The following GPC5 variants were observed in gnomAD, a reference collection of about 807,000 sequenced individuals.
The protein encoded by GPC5 is glypican-5.
Under a neutral mutation model 53.9 loss-of-function variants are expected in GPC5, and 47 were observed. The observed-to-expected ratio is 0.87, with a 90% CI of 0.69 to 1.11. The LOEUF is 1.11. Ranked by LOEUF, GPC5 falls within the 50% of genes most tolerant of loss-of-function variation. GPC5 has a pLI of 0.00. For synonymous variants in GPC5, 286 were observed against 263.3 expected (o/e 1.09, Z -0.84); for missense variants, 748 against 713.1 (o/e 1.05, Z -0.56).
chr13:91,999,842 A>G (rs960898465), intron 6 of GPC5, among the ~76,000 whole-genome samples: 1 of 152,254 alleles, frequency 6.6e-6, no homozygotes, highest in African/African-American at 2.4e-5. Flanking sequence ...CACTGGACAC[A>G]TAATTTTTCT....
At chr13:92,443,552 C>A (rs1877666225) in intron 7 of GPC5, among the ~76,000 whole-genome samples, 1 of 151,250 alleles carries the variant, frequency 6.6e-6, no homozygotes, top group Admixed American at 6.6e-5. Flanking sequence ...ACAAAAAAAA[C>A]AATTTTTGAG....
At chr13:91,778,991 A>G (rs2037754840) in intron 5 of GPC5, among the ~76,000 whole-genome samples, 1 of 152,232 alleles carries the variant, frequency 6.6e-6, no homozygotes, top group Admixed American at 6.5e-5. Flanking sequence ...GTGTATCTAG[A>G]CATAGAAAAG....
rs139552751 is a variant in GPC5 at position 91,680,971 on chromosome 13, T to G, written c.326-12216T>G. ...TGTTTATTATGGTTCTCTTAATGGA[T>G]TAAATGTTTTAAAATAATTATCAGT... On this transcript the variant is annotated intron_variant, in intron 2 of 7. Transcript: ENST00000377067. Among the ~76,000 whole-genome samples the G allele has an allele frequency of 1.3e-4, 20 of 152,290 alleles. No individual in the cohort carries two copies. The East Asian group carries it at 3.9e-3, about 29-fold the overall frequency.
chr13:91,552,200 A>G (rs2030679662), intron 2 of GPC5, among the ~76,000 whole-genome samples: 2 of 152,042 alleles, frequency 1.3e-5, no homozygotes, highest in African/African-American at 4.8e-5. Flanking sequence ...CCCCAGTGGT[A>G]TGGCTGAGGT....
intron 7 of GPC5, among the ~76,000 whole-genome samples, chr13:92,434,711 A>G (rs1160120643): frequency 6.6e-6 from 1 of 152,146 alleles, no homozygotes; most frequent in Non-Finnish European, 1.5e-5. Context: ...TATCTGTGTC[A>G]AGCCCCTTAT....
rs78873894 is a variant in GPC5, at chr13:92,060,558, A to G, written c.1402-84272A>G. On this transcript the variant is annotated intron_variant, in intron 6 of 7. Coordinates refer to ENST00000377067, the MANE Select transcript of GPC5 (RefSeq NM_004466.6). ...GCTCTCATCAACAGCAAAACAAGATATAGAATTCTCAGAGTTCTTTCTTAC... is the reference window on the plus strand; with the variant it reads ...GCTCTCATCAACAGCAAAACAAGATGTAGAATTCTCAGAGTTCTTTCTTAC... 4.3e-3 allele frequency among the ~76,000 whole-genome samples: 649 copies of G among 152,184 alleles called. 16 individuals carry two copies. The highest frequency in any genetic ancestry group is 0.015 in the African/African-American group (618 of 41,480).
At chr13:92,200,845 T>C (rs1048449510) in intron 7 of GPC5, among the ~76,000 whole-genome samples, 19 of 152,350 alleles carry the variant, frequency 1.2e-4, no homozygotes, top group Admixed American at 3.3e-4. Flanking sequence ...CGGGAAAAGA[T>C]GCTGGCTCCT....
intron 2 of GPC5, among the ~76,000 whole-genome samples, chr13:91,488,607 T>C (rs1052539631): frequency 3.3e-5 from 5 of 152,210 alleles, no homozygotes; most frequent in Non-Finnish European, 1.5e-5. Context: ...CCCCAATCAA[T>C]ACCCTTGTGA....
At chr13:91,505,331 G>C (rs1884883883) in intron 2 of GPC5, among the ~76,000 whole-genome samples, 1 of 152,090 alleles carries the variant, frequency 6.6e-6, no homozygotes, top group African/African-American at 2.4e-5. Flanking sequence ...ATAGACCAAA[G>C]AATACATAGA....
intron 7 of GPC5, among the ~76,000 whole-genome samples, chr13:92,284,627 C>T (rs1037677390): frequency 2.6e-5 from 4 of 152,040 alleles, no homozygotes; most frequent in African/African-American, 9.7e-5. Flanking sequence ...ATAAACAGAA[C>T]CAAAGACAAA....
At chr13:92,075,261 T>C (rs2138871458) in intron 6 of GPC5, among the ~76,000 whole-genome samples, 1 of 152,320 alleles carries the variant, frequency 6.6e-6, no homozygotes, top group East Asian at 1.9e-4. Flanking sequence ...AAGCAAAATT[T>C]ATACTGGAGA....
chr13:91,917,526 T>A (rs2039671394), intron 6 of GPC5, among the ~76,000 whole-genome samples: 1 of 152,232 alleles, frequency 6.6e-6, no homozygotes, highest in Admixed American at 6.5e-5. Context: ...GCTCCACTAG[T>A]CAGTGCCCCA....
chr13:91,990,578 T>A (rs1400458102), intron 6 of GPC5, among the ~76,000 whole-genome samples: 1 of 152,234 alleles, frequency 6.6e-6, no homozygotes, highest in Non-Finnish European at 1.5e-5. Flanking sequence ...ACTTTTAATA[T>A]GTTTAATACA....
chr13:91,803,781 GACACACAC>G (rs369314989), intron 5 of GPC5, among the ~76,000 whole-genome samples: 7 of 147,538 alleles, frequency 4.7e-5, no homozygotes, highest in African/African-American at 1.5e-4. Context: ...CAGACAGACA[GACACACAC>G]ACACACACAC....
chr13:92,802,713 C>CT (rs1876954124), intron 7 of GPC5, among the ~76,000 whole-genome samples: 1 of 151,868 alleles, frequency 6.6e-6, no homozygotes, highest in South Asian at 2.1e-4. Context: ...AAAACAAACA[C>CT]CGCATGTTCT....
chr13:92,836,768 T>A (rs1255354586), intron 7 of GPC5, among the ~76,000 whole-genome samples: 2 of 152,074 alleles, frequency 1.3e-5, no homozygotes, highest in Non-Finnish European at 2.9e-5. Context: ...GAGAGGCATA[T>A]AAGACACCTG....
chr13:92,153,018 A>T (rs1207555752), intron 7 of GPC5, among the ~76,000 whole-genome samples: 1 of 152,166 alleles, frequency 6.6e-6, no homozygotes, highest in Non-Finnish European at 1.5e-5. Context: ...TGGTTTTTGA[A>T]TTTTATATGA....
At chr13:92,392,235 C>T (rs558113001) in intron 7 of GPC5, among the ~76,000 whole-genome samples, 1 of 152,230 alleles carries the variant, frequency 6.6e-6, no homozygotes, top group Non-Finnish European at 1.5e-5. Flanking sequence ...TCTTGTGGCC[C>T]ATGGGAGACT....
intron 5 of GPC5, among the ~76,000 whole-genome samples, chr13:91,844,112 A>T (rs1025888714): frequency 6.6e-6 from 1 of 152,192 alleles, no homozygotes; most frequent in African/African-American, 2.4e-5. Flanking sequence ...AATGGAACAG[A>T]TGCTCCAGCA....
Sources: allele counts gnomAD v4.1 joint callset (sites outside exome capture counted in the v4.1 genomes callset), GRCh38; gene constraint gnomAD v4.1.1; transcripts MANE v1.5; gene names NCBI Gene and HGNC (gene_info 2026-07-23, HGNC 2026-07-21).